Variants in IRX3 observed in about 807,000 individuals in gnomAD.
IRX3 encodes iroquois homeobox 3.
IRX3 carries 20 observed loss-of-function variants against 36.4 expected under a neutral mutation model. The ratio of observed to expected loss-of-function variants is 0.55; its 90% confidence interval spans 0.39 to 0.80. IRX3 has a LOEUF of 0.80. IRX3 is among the 30% of genes least tolerant of loss of function. IRX3 has a pLI of 0.00. For synonymous variants in IRX3, 404 were observed against 351.6 expected, an observed-to-expected ratio of 1.15 and a Z score of -1.67; for missense variants, 718 against 733.2, an observed-to-expected ratio of 0.98 and a Z score of 0.24.
Position 54,285,593 on chromosome 16 carries a change from C to T in IRX3, c.288G>A (p.Lys96=), listed in dbSNP as rs772124429. The change falls in exon 2 of 4, where the codon AAG becomes AAA. Residue 96 remains lysine, a synonymous_variant. Transcript: ENST00000329734. The surrounding 1 kb of genome is among the most constrained non-coding windows in gnomAD (Gnocchi z 5.7). ...CCGGATGCTGCACCCCGGGGCTGTC[C>T]TTCAGCTCATACTGCGCGCCCTGTA... is the stretch of plus-strand genomic sequence containing the variant. ...FPQLGAQYEL[K]DSPGVQHPAA... is the part of the protein sequence containing the mutation. 8.4e-6 allele frequency: 13 copies of T among 1,551,238 alleles called. No homozygotes were observed. In the African/African-American group the frequency reaches 1.5e-4, roughly 18 times the overall value.
Position 54,286,079 on chromosome 16 carries a change from G to C in IRX3, c.-29C>G. ...GGCCCGCGGGGCACGGACGGAGAGG[G>C]GGGCCGACCCCCGGGCCGCCCAGCT... On this transcript the variant is annotated 5_prime_UTR_variant, in exon 1 of 4. Coordinates refer to ENST00000329734, the MANE Select transcript of IRX3 (RefSeq NM_024336.3). 3 of 1,246,360 alleles carry C rather than the reference G, an allele frequency of 2.4e-6. No homozygotes were observed. The highest frequency in any genetic ancestry group is 3.0e-6 in the Non-Finnish European group (3 of 989,700). The allele number at this position is 1,246,360 out of a possible 1,614,324, so 77.2% of individuals were successfully genotyped here.
In IRX3 at chr16:54,283,988, G is replaced by A; in HGVS notation, c.1452-248C>T. ...CGCCACCCGCCCCAGGGGCCTGTGG[G>A]CCCAGCCACGCAAGGCTTCCCCTAG... On this transcript the variant is annotated intron_variant, in intron 3 of 3. Coordinates refer to ENST00000329734, the MANE Select transcript of IRX3 (RefSeq NM_024336.3). This position sits in a 1 kb window ranked among gnomAD's most constrained non-coding sequence, Gnocchi z 4.4. The A allele has an allele frequency of 7.0e-7, 1 of 1,433,074 alleles. No individual in the cohort carries two copies. The highest frequency in any genetic ancestry group is 9.1e-7 in the Non-Finnish European group (1 of 1,097,168). The allele number at this position is 1,433,074 out of a possible 1,614,324, so 88.8% of individuals were successfully genotyped here. A position where few individuals can be genotyped will look rare whatever the true frequency, so the allele number is the denominator to read the frequency against.
rs1901235939 is a variant in IRX3, at chr16:54,283,811, A to T, written c.1452-71T>A. 6.3e-7 allele frequency: 1 copy of T among 1,595,010 alleles called. No individual in the cohort carries two copies. The highest frequency in any genetic ancestry group is 8.5e-7 in the Non-Finnish European group (1 of 1,171,852). On this transcript the variant is annotated intron_variant, in intron 3 of 3. Coordinates refer to ENST00000329734, the MANE Select transcript of IRX3 (RefSeq NM_024336.3). This position sits in a 1 kb window ranked among gnomAD's most constrained non-coding sequence, Gnocchi z 4.4. ...CGCAGAGGCTGCCTAGGGCGGGGAG[A>T]TCCTACTTGGATTGGGGCCGATCGT...
chr16:54,284,413 C>G lies in IRX3; in HGVS notation c.1384+84G>C, dbSNP rs1028005485. 2.1e-6 allele frequency: 3 copies of G among 1,431,880 alleles called. No homozygotes were observed. The highest frequency in any genetic ancestry group is 2.9e-5 in the East Asian group (1 of 34,740). 88.7% of individuals were successfully genotyped at this position (1,431,880 alleles called of 1,614,324 possible). On this transcript the variant is annotated intron_variant, in intron 2 of 3. Transcript: ENST00000329734. This position sits in a 1 kb window ranked among gnomAD's most constrained non-coding sequence, Gnocchi z 4.0. ...AGTGGAGAGGGACGCGCGCCCTGCG[C>G]CCCCCGGGCCCTGCCCCTCCCGGCC...
Position 54,283,506 on chromosome 16 carries a change from T to G in IRX3, c.*180A>C. ...AATGCGGGGTGCCACAGAAGCGACT[T>G]GGGGAGGGCTGAGGAGGACTGGTTT... On this transcript the variant is annotated 3_prime_UTR_variant, in exon 4 of 4. Transcript: ENST00000329734. The surrounding 1 kb of genome is among the most constrained non-coding windows in gnomAD (Gnocchi z 4.4). 1 of 507,674 alleles carries G rather than the reference T, an allele frequency of 2.0e-6. No individual in the cohort carries two copies. Among genetic ancestry groups the G allele is most frequent in the East Asian group, 3.3e-5 (1 of 30,128 alleles). 31.4% of individuals were successfully genotyped at this position (507,674 alleles called of 1,614,324 possible).
In IRX3 at chr16:54,284,497, C is replaced by T. The variant is rs1460883132; in HGVS notation, c.1384G>A (p.Asp462Asn). ...ARPAEPEGGT[D>N]RCSALEVEKK... ...TCCGCGCCCAGCGCTCAGCAGTCAC[C>T]TGTTCCGCCTTCGGGCTCCGCTGGC... The change falls in exon 2 of 4, where the codon GAT (aspartate) becomes AAT (asparagine). Residue 462 changes from aspartate to asparagine, a missense_variant and splice_region_variant. This residue lies in a region of IRX3 where 468 missense variants were observed against 462.1 expected (regional missense o/e 1.01). Transcript: ENST00000329734. This position sits in a 1 kb window ranked among gnomAD's most constrained non-coding sequence, Gnocchi z 4.0. 5.0e-6 allele frequency: 7 copies of T among 1,401,540 alleles called. No homozygotes were observed. Among genetic ancestry groups the T allele is most frequent in the African/African-American group, 1.5e-5 (1 of 65,890 alleles). The allele number at this position is 1,401,540 out of a possible 1,614,324, so 86.8% of individuals were successfully genotyped here.
rs1236331967 is a variant in IRX3, at chr16:54,283,462, AC to A, written c.*223del. 4.2e-6 allele frequency: 2 copies of A among 478,578 alleles called. No individual in the cohort carries two copies. Among genetic ancestry groups the A allele is most frequent in the African/African-American group, 1.9e-5 (1 of 51,430 alleles). The allele number at this position is 478,578 out of a possible 1,614,324, so 29.6% of individuals were successfully genotyped here. On this transcript the variant is annotated 3_prime_UTR_variant, in exon 4 of 4. Coordinates refer to ENST00000329734, the MANE Select transcript of IRX3 (RefSeq NM_024336.3). The surrounding 1 kb of genome is among the most constrained non-coding windows in gnomAD (Gnocchi z 4.4). ...AACTCCACCCCCCAAAATCAACCGG[AC>A]AAACAAACCTCACAGCGAATGCGGG...
chr16:54,284,136 C>A lies in IRX3; in HGVS notation c.1451+110G>T. 1 of 1,215,028 alleles carries A rather than the reference C, an allele frequency of 8.2e-7. No homozygotes were observed. The allele number at this position is 1,215,028 out of a possible 1,614,324, so 75.3% of individuals were successfully genotyped here. A position where few individuals can be genotyped will look rare whatever the true frequency, so the allele number is the denominator to read the frequency against. ...TTCGTCCCCTTTTACAAAATGCGTC[C>A]CAGCAGGGTTCCCCCCTACCCCGGG... is the stretch of plus-strand genomic sequence containing the variant. On this transcript the variant is annotated intron_variant, in intron 3 of 3. Transcript: ENST00000329734. This position sits in a 1 kb window ranked among gnomAD's most constrained non-coding sequence, Gnocchi z 4.0.
rs760997623 is a variant in IRX3, at chr16:54,284,339, A to G, written c.1385-27T>C. The G allele has an allele frequency of 1.1e-5, 17 of 1,600,250 alleles. No individual in the cohort carries two copies. The highest frequency in any genetic ancestry group is 1.7e-4 in the Middle Eastern group (1 of 5,964). On this transcript the variant is annotated intron_variant, in intron 2 of 3. Transcript: ENST00000329734. This position sits in a 1 kb window ranked among gnomAD's most constrained non-coding sequence, Gnocchi z 4.0. ...TAAGGGAAGCGGGGGAAGAAAAAGG[A>G]GGGCCTTTAGAGCGCTCGGTGCCGG... is the stretch of plus-strand genomic sequence containing the variant.
Position 54,285,658 on chromosome 16 carries a change from G to A in IRX3, c.268-45C>T, listed in dbSNP as rs1487676587. The A allele has an allele frequency of 1.4e-6, 2 of 1,474,652 alleles. No homozygotes were observed. The highest frequency in any genetic ancestry group is 2.8e-5 in the South Asian group (2 of 71,976). The allele number at this position is 1,474,652 out of a possible 1,614,324, so 91.3% of individuals were successfully genotyped here. On this transcript the variant is annotated intron_variant, in intron 1 of 3. Coordinates refer to ENST00000329734, the MANE Select transcript of IRX3 (RefSeq NM_024336.3). This position sits in a 1 kb window ranked among gnomAD's most constrained non-coding sequence, Gnocchi z 5.7. ...GAAGGGACACGCGCGGAGGGAGCGC[G>A]AGTGAGCCCCAGCCATCGCTGCCTC...
Position 54,283,595 on chromosome 16 carries a change from A to G in IRX3, c.*91T>C, listed in dbSNP as rs1901225679. On this transcript the variant is annotated 3_prime_UTR_variant, in exon 4 of 4. Transcript: ENST00000329734. The surrounding 1 kb of genome is among the most constrained non-coding windows in gnomAD (Gnocchi z 4.4). ...TAGGTATTTATACACGGACATGCTT[A>G]CAAGTTGTAACTATACAGAGCGATT... 3.0e-6 allele frequency: 2 copies of G among 671,140 alleles called. No homozygotes were observed. The highest frequency in any genetic ancestry group is 3.7e-5 in the African/African-American group (2 of 54,622). 41.6% of individuals were successfully genotyped at this position (671,140 alleles called of 1,614,324 possible). A position where few individuals can be genotyped will look rare whatever the true frequency, so the allele number is the denominator to read the frequency against.
chr16:54,286,173 G>A lies in IRX3; in HGVS notation c.-123C>T. The A allele has an allele frequency of 9.6e-7, 1 of 1,046,378 alleles. No individual in the cohort carries two copies. The highest frequency in any genetic ancestry group is 4.5e-5 in the South Asian group (1 of 22,422). 64.8% of individuals were successfully genotyped at this position (1,046,378 alleles called of 1,614,324 possible). ...GGCTTGGGGCCGCGCTGCCGCCCGC[G>A]CTGCGCTGTGCTCCGCGTTCGCCTA... On this transcript the variant is annotated 5_prime_UTR_variant, in exon 1 of 4. Transcript: ENST00000329734.
rs777569439 is a variant in IRX3 at position 54,284,897 on chromosome 16, G to A, written c.984C>T (p.Pro328=). The A allele has an allele frequency of 1.1e-5, 17 of 1,573,524 alleles. No homozygotes were observed. The highest frequency in any genetic ancestry group is 6.7e-5 in the African/African-American group (5 of 74,184). ...CGGGAGCGCAGGGGTCCAGGCTCACGGGGGGCGACGGCAGAGACGGCGAGG... is the reference window on the plus strand; with the variant it reads ...CGGGAGCGCAGGGGTCCAGGCTCACAGGGGGCGACGGCAGAGACGGCGAGG... The part of the protein sequence containing the change: ...AVASPSLPSP[P]VSLDPCAPAP... The change falls in exon 2 of 4, where the codon CCC becomes CCT. Residue 328 remains proline, a synonymous_variant. Coordinates refer to ENST00000329734, the MANE Select transcript of IRX3 (RefSeq NM_024336.3). The surrounding 1 kb of genome is among the most constrained non-coding windows in gnomAD (Gnocchi z 4.0).
chr16:54,284,597 C>A lies in IRX3; in HGVS notation c.1284G>T (p.Leu428=). ...PGPRLHPLSL[L]GSAPPHLLGL... is the part of the protein sequence containing the mutation. ...CCAGCAGGTGCGGAGGGGCAGAGCCCAGCAGGGAGAGCGGGTGCAGGCGGG... is the reference window on the plus strand; with the variant it reads ...CCAGCAGGTGCGGAGGGGCAGAGCCAAGCAGGGAGAGCGGGTGCAGGCGGG... Residue 428 remains leucine, a synonymous_variant, in exon 2 of 4, where the codon CTG becomes CTT. Transcript: ENST00000329734. This position sits in a 1 kb window ranked among gnomAD's most constrained non-coding sequence, Gnocchi z 4.0. 2 of 1,388,670 alleles carry A rather than the reference C, an allele frequency of 1.4e-6. No homozygotes were observed. The highest frequency in any genetic ancestry group is 1.8e-6 in the Non-Finnish European group (2 of 1,084,124). 86.0% of individuals were successfully genotyped at this position (1,388,670 alleles called of 1,614,324 possible).
In IRX3 at chr16:54,284,590, C is replaced by T; in HGVS notation, c.1291G>A (p.Ala431Thr). 1.4e-6 allele frequency: 2 copies of T among 1,386,998 alleles called. No homozygotes were observed. Among genetic ancestry groups the T allele is most frequent in the East Asian group, 3.0e-5 (1 of 32,876 alleles). The allele number at this position is 1,386,998 out of a possible 1,614,324, so 85.9% of individuals were successfully genotyped here. A position where few individuals can be genotyped will look rare whatever the true frequency, so the allele number is the denominator to read the frequency against. ...GGAAGTCCCAGCAGGTGCGGAGGGG[C>T]AGAGCCCAGCAGGGAGAGCGGGTGC... is the stretch of plus-strand genomic sequence containing the variant. ...RLHPLSLLGS[A>T]PPHLLGLPGA... Residue 431 changes from alanine (A) to threonine (T), a missense_variant, in exon 2 of 4, where the codon GCC (alanine) becomes ACC (threonine). Coordinates refer to ENST00000329734, the MANE Select transcript of IRX3 (RefSeq NM_024336.3). The surrounding 1 kb of genome is among the most constrained non-coding windows in gnomAD (Gnocchi z 4.0).
Position 54,285,950 on chromosome 16 carries a change from C to G in IRX3, c.101G>C (p.Gly34Ala). 7.0e-7 allele frequency: 1 copy of G among 1,425,740 alleles called. No homozygotes were observed. Among genetic ancestry groups the G allele is most frequent in the Non-Finnish European group, 9.2e-7 (1 of 1,089,502 alleles). 88.3% of individuals were successfully genotyped at this position (1,425,740 alleles called of 1,614,324 possible). The change falls in exon 1 of 4, where the codon GGC becomes GCC. Residue 34 changes from glycine to alanine, a missense_variant. By Grantham distance (60) the Gly-to-Ala change is moderately conservative (BLOSUM62 0). This residue lies in a region of IRX3 where 204 missense variants were observed against 181.4 expected (regional missense o/e 1.12). Coordinates refer to ENST00000329734, the MANE Select transcript of IRX3 (RefSeq NM_024336.3). The surrounding 1 kb of genome is among the most constrained non-coding windows in gnomAD (Gnocchi z 5.7). ...CTCCGAGGCTCCGGCACCCAGGCCG[C>G]CCCGGGCCCCCGCGCTGCCGCCGCT... ...GGSGGSAGAR[G>A]GLGAGASELN... is the part of the protein sequence containing the mutation.
rs1456927878 is a variant in IRX3, at chr16:54,284,181, G to T, written c.1451+65C>A. On this transcript the variant is annotated intron_variant, in intron 3 of 3. Coordinates refer to ENST00000329734, the MANE Select transcript of IRX3 (RefSeq NM_024336.3). The surrounding 1 kb of genome is among the most constrained non-coding windows in gnomAD (Gnocchi z 4.0). ...CCCGGGGCAAAAGGCCGTGCGTGGTGCTCGGCGTCCTCTCCTTTCCCCGCC... is the reference window on the plus strand; with the variant it reads ...CCCGGGGCAAAAGGCCGTGCGTGGTTCTCGGCGTCCTCTCCTTTCCCCGCC... 4.7e-6 allele frequency: 7 copies of T among 1,476,422 alleles called. No homozygotes were observed. The highest frequency in any genetic ancestry group is 1.8e-5 in the Admixed American group (1 of 54,474). The allele number at this position is 1,476,422 out of a possible 1,614,324, so 91.5% of individuals were successfully genotyped here.
chr16:54,283,573 G>T lies in IRX3; in HGVS notation c.*113C>A. 1.6e-6 allele frequency: 1 copy of T among 606,142 alleles called. No homozygotes were observed. Among genetic ancestry groups the T allele is most frequent in the Non-Finnish European group, 3.0e-6 (1 of 333,082 alleles). The allele number at this position is 606,142 out of a possible 1,614,324, so 37.5% of individuals were successfully genotyped here. ...TTTCTTTGTTTAGTTTTGCTTTTAG[G>T]TATTTATACACGGACATGCTTACAA... On this transcript the variant is annotated 3_prime_UTR_variant, in exon 4 of 4. Transcript: ENST00000329734. The surrounding 1 kb of genome is among the most constrained non-coding windows in gnomAD (Gnocchi z 4.4).
rs755759375 is a variant in IRX3, at chr16:54,285,649, A to G, written c.268-36T>C. The G allele has an allele frequency of 6.8e-6, 10 of 1,480,016 alleles. No individual in the cohort carries two copies. In the Admixed American group the frequency reaches 7.0e-5, roughly 10 times the overall value. The allele number at this position is 1,480,016 out of a possible 1,614,324, so 91.7% of individuals were successfully genotyped here. A position where few individuals can be genotyped will look rare whatever the true frequency, so the allele number is the denominator to read the frequency against. On this transcript the variant is annotated intron_variant, in intron 1 of 3. Transcript: ENST00000329734. This position sits in a 1 kb window ranked among gnomAD's most constrained non-coding sequence, Gnocchi z 5.7. ...ATGGAGAAGGAAGGGACACGCGCGG[A>G]GGGAGCGCGAGTGAGCCCCAGCCAT...
Sources: allele counts gnomAD v4.1 joint callset, GRCh38; gene constraint gnomAD v4.1.1; regional missense constraint gnomAD v4.1.1; non-coding constraint Gnocchi (gnomAD v3.1); transcripts MANE v1.5; gene names NCBI Gene and HGNC (gene_info 2026-07-23, HGNC 2026-07-21).